Variants in XPO7 observed in about 807,000 individuals in gnomAD.
XPO7 encodes exportin 7.
A neutral mutation model predicts 144.3 loss-of-function variants in XPO7; 21 were observed. That is an observed-to-expected ratio of 0.15 (90% CI 0.10 to 0.21). XPO7 has a LOEUF of 0.21. XPO7 is among the 10% of genes least tolerant of loss of function. XPO7 has a pLI of 1.00. For synonymous variants in XPO7, 580 were observed against 499.6 expected (o/e 1.16, Z -2.15); for missense variants, 808 against 1,325.8 (o/e 0.61, Z 6.06).
intron 1 of XPO7, among the ~76,000 whole-genome samples, chr8:21,923,076 C>T (rs941940684): frequency 6.6e-6 from 1 of 152,154 alleles, no homozygotes; most frequent in African/African-American, 2.4e-5. Flanking sequence ...ATGATAAGTG[C>T]TATGGGTAGT....
At position 21,984,844 on chromosome 8, in the gene XPO7, G is replaced by C; in HGVS notation, c.1471+5G>C. The C allele has an allele frequency of 6.2e-7, 1 of 1,613,330 alleles. No individual in the cohort carries two copies. The highest frequency in any genetic ancestry group is 8.5e-7 in the Non-Finnish European group (1 of 1,179,782). ...TGGACATTGCAGTGCAGGAGGGTGA[G>C]TGTGCAGCGTGCTGGGAACTCTAGA... On this transcript the variant is annotated splice_donor_5th_base_variant and intron_variant, in intron 12 of 27. Transcript: ENST00000252512.
intron 21 of XPO7, among the ~76,000 whole-genome samples, chr8:21,998,312 G>T (rs984451106): frequency 6.6e-6 from 1 of 152,146 alleles, no homozygotes; most frequent in Non-Finnish European, 1.5e-5. Context: ...GTGGTGGCGG[G>T]CACCTGTAGT....
At chr8:21,979,643 G>A (rs1378025271) in intron 8 of XPO7, among the ~76,000 whole-genome samples, 2 of 149,942 alleles carry the variant, frequency 1.3e-5, no homozygotes, top group African/African-American at 2.5e-5. Flanking sequence ...TCCTGACCTC[G>A]TGATCTGCCT....
chr8:21,943,769 A>G (rs1811070403), intron 1 of XPO7, among the ~76,000 whole-genome samples: 1 of 152,232 alleles, frequency 6.6e-6, no homozygotes, highest in Non-Finnish European at 1.5e-5. Flanking sequence ...TATGTTCAAC[A>G]TTGTGGAATA....
chr8:21,986,802 C>G (rs1585470833), intron 13 of XPO7, among the ~76,000 whole-genome samples: 3 of 152,276 alleles, frequency 2.0e-5, no homozygotes, highest in Admixed American at 2.0e-4. Context: ...TCAAATGACT[C>G]ACTTATTATG....
chr8:21,940,363 G>A (rs1172497517), intron 1 of XPO7, among the ~76,000 whole-genome samples: 1 of 152,130 alleles, frequency 6.6e-6, no homozygotes, highest in Non-Finnish European at 1.5e-5. Context: ...AAAAAGAAAT[G>A]ATAGAATTAA....
intron 12 of XPO7, 101 bp from the exon 13 acceptor site, chr8:21,985,485 T>C (rs1812548470): frequency 9.0e-7 from 1 of 1,109,688 alleles, no homozygotes; most frequent in Non-Finnish European, 1.4e-6. Context: ...TAAGACTTCA[T>C]GGTTTCACCA....
At chr8:22,003,860 TC>T (rs765631363) in intron 26 of XPO7, 42 bp from the exon 27 acceptor site, 1 of 1,612,232 alleles carries the variant, frequency 6.2e-7, no homozygotes, top group Non-Finnish European at 8.5e-7. Context: ...TAATCTGCCT[TC>T]CCCTGCTTCT....
chr8:21,952,690 G>A (rs1284848093), intron 1 of XPO7, among the ~76,000 whole-genome samples: 2 of 152,168 alleles, frequency 1.3e-5, no homozygotes, highest in East Asian at 1.9e-4. Context: ...AGAGAGCCAC[G>A]CTTGGTTACG....
At chr8:21,932,292 CTA>C (rs1810678317) in intron 1 of XPO7, among the ~76,000 whole-genome samples, 1 of 152,100 alleles carries the variant, frequency 6.6e-6, no homozygotes, top group African/African-American at 2.4e-5. Flanking sequence ...TTTTACAAAA[CTA>C]TTAAGGGAAA....
At chr8:21,925,529 G>A (rs1563307425) in intron 1 of XPO7, among the ~76,000 whole-genome samples, 1 of 152,226 alleles carries the variant, frequency 6.6e-6, no homozygotes, top group Non-Finnish European at 1.5e-5. Flanking sequence ...AGATTTAGAT[G>A]ATGTTCATGG....
rs927285721 is a variant in XPO7 at position 22,002,097 on chromosome 8, C to G, written c.2783-15C>G. 2.1e-5 allele frequency: 34 copies of G among 1,600,982 alleles called. No individual in the cohort carries two copies. Among genetic ancestry groups the G allele is most frequent in the Non-Finnish European group, 2.7e-5 (32 of 1,173,546 alleles). On this transcript the variant is annotated splice_polypyrimidine_tract_variant and intron_variant, in intron 24 of 27. Transcript: ENST00000252512. The stretch of plus-strand genomic sequence containing the variant: ...ATCAGCAGCTCTGTCCTACCCCTGC[C>G]TTTCTTTCTTGCAGACACCATGGTA...
intron 1 of XPO7, among the ~76,000 whole-genome samples, chr8:21,962,002 AAT>A (rs1811740842): frequency 6.6e-6 from 1 of 152,174 alleles, no homozygotes; most frequent in South Asian, 2.1e-4. Context: ...TCGTGATTTG[AAT>A]TTACATTCCC....
intron 5 of XPO7, among the ~76,000 whole-genome samples, chr8:21,973,445 GAC>G (rs1256505288): frequency 6.6e-6 from 1 of 152,112 alleles, no homozygotes; most frequent in African/African-American, 2.4e-5. Flanking sequence ...TATTATCTAA[GAC>G]ACATGATAAC....
chr8:21,981,618 A>T, intron 9 of XPO7, 113 bp from the exon 10 acceptor site: 3 of 1,327,420 alleles, frequency 2.3e-6, no homozygotes, highest in Non-Finnish European at 3.1e-6. Context: ...CCTGCAGCCC[A>T]GAAGTTAAAA....
intron 11 of XPO7, 134 bp from the exon 12 acceptor site, chr8:21,984,511 GT>G (rs879832201): frequency 3.7e-6 from 3 of 812,022 alleles, no homozygotes; most frequent in East Asian, 2.7e-5. Context: ...TTCTTCCTTG[GT>G]TAAAAGTAAT....
chr8:21,982,645 G>C lies in XPO7; in HGVS notation c.1110G>C (p.Trp370Cys). Reference protein sequence around the residue: ...ANFTVTSLQHWEFAPNSVHYL... With the variant: ...ANFTVTSLQHCEFAPNSVHYL... ...GCTTTTCTACTTTTCTTTAGCACTGGGAATTTGCTCCAAATAGTGTGCACT... is the reference window on the plus strand; with the variant it reads ...GCTTTTCTACTTTTCTTTAGCACTGCGAATTTGCTCCAAATAGTGTGCACT... The change falls in exon 11 of 28, where the codon TGG becomes TGC. Residue 370 changes from tryptophan to cysteine, a missense_variant. Physicochemically the swap from Trp to Cys is radical, Grantham distance 215. Coordinates refer to ENST00000252512, the MANE Select transcript of XPO7 (RefSeq NM_015024.5). 1 of 1,584,508 alleles carries C rather than the reference G, an allele frequency of 6.3e-7. No homozygotes were observed.
At chr8:21,933,471 A>C (rs1319376525) in intron 1 of XPO7, among the ~76,000 whole-genome samples, 1 of 152,086 alleles carries the variant, frequency 6.6e-6, no homozygotes, top group African/African-American at 2.4e-5. Context: ...ACAGTTTGAA[A>C]ATTTCTCTAA....
Position 21,971,862 on chromosome 8 carries a change from C to T in XPO7, c.427-14C>T. 1 of 1,607,828 alleles carries T rather than the reference C, an allele frequency of 6.2e-7. No homozygotes were observed. Among genetic ancestry groups the T allele is most frequent in the South Asian group, 1.1e-5 (1 of 90,516 alleles). On this transcript the variant is annotated splice_polypyrimidine_tract_variant and intron_variant, in intron 4 of 27. Coordinates refer to ENST00000252512, the MANE Select transcript of XPO7 (RefSeq NM_015024.5). Reference sequence around the variant, plus strand: ...ACATGACAACTCTTTCTACCTTATACTTTTTTTAACCAGGATAGTGTTGAA... The same window carrying T: ...ACATGACAACTCTTTCTACCTTATATTTTTTTTAACCAGGATAGTGTTGAA...
Sources: allele counts gnomAD v4.1 joint callset (sites outside exome capture counted in the v4.1 genomes callset), GRCh38; gene constraint gnomAD v4.1.1; transcripts MANE v1.5; gene names NCBI Gene and HGNC (gene_info 2026-07-23, HGNC 2026-07-21).